Variants in FAAP100 observed in about 807,000 individuals in gnomAD.
The protein encoded by FAAP100 is Fanconi anemia core complex-associated protein 100.
A neutral mutation model predicts 65.8 loss-of-function variants in FAAP100; 46 were observed. The ratio of observed to expected loss-of-function variants is 0.70; its 90% CI spans 0.55 to 0.89. The LOEUF is 0.89. Among genes scored for constraint, FAAP100 ranks in the 40% least tolerant of loss-of-function variants. The probability of loss-of-function intolerance (pLI) is 0.00; values close to 1 mark genes in which losing one functional copy is unlikely to be tolerated. For missense variants in FAAP100, 1,165 were observed against 1,196.7 expected (o/e 0.97, Z 0.39); for synonymous variants, 663 against 555.1 (o/e 1.19, Z -2.73).
At chr17:81,551,656 C>T (rs1438936175) in intron 2 of FAAP100, 9 of 1,293,262 alleles carry the variant, frequency 7.0e-6, no homozygotes, top group Non-Finnish European at 8.8e-6. Context: ...TCTCACCAGA[C>T]AGCACCGGGC....
At chr17:81,543,915 C>T in intron 7 of FAAP100, 89 bp downstream of exon 7, 1 of 1,223,018 alleles carries the variant, frequency 8.2e-7, no homozygotes. Context: ...GAGCCGCAGA[C>T]CCCGTGGCCA....
At position 81,540,192 on chromosome 17, in the gene FAAP100, C is replaced by T; in HGVS notation, c.*627G>A. The T allele has an allele frequency of 2.5e-6, 1 of 399,062 alleles. No individual in the cohort carries two copies. Among genetic ancestry groups the T allele is most frequent in the Non-Finnish European group, 4.4e-6 (1 of 226,228 alleles). 24.7% of individuals were successfully genotyped at this position (399,062 alleles called of 1,614,324 possible). ...TTCCGGCCACAGGCCACCCGCTGGC[C>T]CTTCCTTGGTGTGGCACGAGACCAC... On this transcript the variant is annotated 3_prime_UTR_variant, in exon 9 of 9. Transcript: ENST00000327787.
chr17:81,551,880 CG>C, intron 2 of FAAP100, 47 bp downstream of exon 2: 3 of 1,501,472 alleles, frequency 2.0e-6, no homozygotes, highest in East Asian at 2.7e-5. Flanking sequence ...TGAAGCAGTC[CG>C]GGGGCAGCAG....
intron 7 of FAAP100, among the ~76,000 whole-genome samples, chr17:81,542,291 G>A (rs1481774257): frequency 1.4e-5 from 2 of 145,404 alleles, no homozygotes; most frequent in Non-Finnish European, 3.0e-5. Flanking sequence ...GGAGGCTGAG[G>A]GAGAATTGCT....
rs1000929161 is a variant in FAAP100, at chr17:81,540,029, C to T, written c.*790G>A. ...AAAACACCAGCACCAGGAGGTGGGCCGTAGCCCAGGCTGAGGGAGGAGGCT... is the reference window on the plus strand; with the variant it reads ...AAAACACCAGCACCAGGAGGTGGGCTGTAGCCCAGGCTGAGGGAGGAGGCT... On this transcript the variant is annotated 3_prime_UTR_variant, in exon 9 of 9. Transcript: ENST00000327787. 11 of 398,810 alleles carry T rather than the reference C, an allele frequency of 2.8e-5. No homozygotes were observed. Among genetic ancestry groups the T allele is most frequent in the Admixed American group, 4.4e-5 (1 of 22,712 alleles). The allele number at this position is 398,810 out of a possible 1,614,324, so 24.7% of individuals were successfully genotyped here. A position where few individuals can be genotyped will look rare whatever the true frequency, so the allele number is the denominator to read the frequency against.
chr17:81,552,253 G>A lies in FAAP100; in HGVS notation c.78C>T (p.Pro26=), dbSNP rs2033524225. The A allele has an allele frequency of 6.7e-7, 1 of 1,482,222 alleles. No homozygotes were observed. The allele number at this position is 1,482,222 out of a possible 1,614,324, so 91.8% of individuals were successfully genotyped here. A position where few individuals can be genotyped will look rare whatever the true frequency, so the allele number is the denominator to read the frequency against. The change falls in exon 1 of 9, where the codon CCC becomes CCT. Residue 26 remains proline, a synonymous_variant. Coordinates refer to ENST00000327787, the MANE Select transcript of FAAP100 (RefSeq NM_025161.6). ...CCTCTGCCTCATGGCACAGCACGCG[G>A]GGCTTGCCCGCCGCCAGGCCCCCGA... The part of the protein sequence containing the change: ...CPLGGLAAGK[P]RVLCHEAEVF...
Position 81,540,772 on chromosome 17 carries a change from G to A in FAAP100, c.*47C>T. On this transcript the variant is annotated 3_prime_UTR_variant, in exon 9 of 9. Transcript: ENST00000327787. ...AACCCATGAGGCCTGGGGGGGCTGTGACAGAGGCTGGAAGCGTGGCCAGAG... is the reference window on the plus strand; with the variant it reads ...AACCCATGAGGCCTGGGGGGGCTGTAACAGAGGCTGGAAGCGTGGCCAGAG... The A allele has an allele frequency of 1.4e-6, 2 of 1,464,502 alleles. No individual in the cohort carries two copies. The highest frequency in any genetic ancestry group is 1.3e-5 in the South Asian group (1 of 74,220). 90.7% of individuals were successfully genotyped at this position (1,464,502 alleles called of 1,614,324 possible).
chr17:81,552,454 G>A (rs2033533958), upstream of FAAP100: 5 of 973,964 alleles, frequency 5.1e-6, no homozygotes, highest in East Asian at 3.3e-5. Flanking sequence ...CGGTGCCGGG[G>A]GCGGGCCGGA....
At chr17:81,544,599 AC>A (rs1047286943) in intron 6 of FAAP100, among the ~76,000 whole-genome samples, 42 of 152,316 alleles carry the variant, frequency 2.8e-4, no homozygotes, top group Middle Eastern at 3.4e-3. Context: ...TCTATGGGAC[AC>A]CCACCTGTCC....
Position 81,549,041 on chromosome 17 carries a change from G to GA in FAAP100, c.1403+164dup, listed in dbSNP as rs1163263115. Among the ~76,000 whole-genome samples, 615 of 66,268 alleles carry GA rather than the reference G, an allele frequency of 9.3e-3. 24 individuals carry two copies. Among genetic ancestry groups the GA allele is most frequent in the African/African-American group, 0.019 (310 of 16,488 alleles). The allele number at this position is 66,268 out of a possible 152,430, so 43.5% of individuals were successfully genotyped here. A position where few individuals can be genotyped will look rare whatever the true frequency, so the allele number is the denominator to read the frequency against. The stretch of plus-strand genomic sequence containing the variant: ...GGTGACAGCGTGAGACTCCGTCTCA[G>GA]AAAAAAAAAAAAAAAAAAAAAAAAA... On this transcript the variant is annotated intron_variant, in intron 4 of 8. Transcript: ENST00000327787.
chr17:81,540,373 G>C lies in FAAP100; in HGVS notation c.*446C>G. The C allele has an allele frequency of 5.0e-6, 2 of 401,444 alleles. No individual in the cohort carries two copies. The highest frequency in any genetic ancestry group is 8.8e-6 in the Non-Finnish European group (2 of 227,756). 24.9% of individuals were successfully genotyped at this position (401,444 alleles called of 1,614,324 possible). A position where few individuals can be genotyped will look rare whatever the true frequency, so the allele number is the denominator to read the frequency against. ...GTAGTGCCACCCAGAGGGGCAGCCG[G>C]TGCTCCTGGTGGTGTGGCAGCAACA... On this transcript the variant is annotated 3_prime_UTR_variant, in exon 9 of 9. Coordinates refer to ENST00000327787, the MANE Select transcript of FAAP100 (RefSeq NM_025161.6).
chr17:81,548,326 G>T (rs577404580), intron 4 of FAAP100: 1 of 350,444 alleles, frequency 2.9e-6, no homozygotes, highest in Admixed American at 4.1e-5. Flanking sequence ...GACGTCTCCC[G>T]TGCCCCACTA....
At chr17:81,543,887 C>T in intron 7 of FAAP100, 117 bp downstream of exon 7, 4 of 947,232 alleles carry the variant, frequency 4.2e-6, no homozygotes, top group Non-Finnish European at 4.8e-6. Flanking sequence ...TTGGATCTTC[C>T]TACAACTCCC....
chr17:81,551,663 G>A (rs2033499842), intron 2 of FAAP100: 4 of 1,300,134 alleles, frequency 3.1e-6, no homozygotes, highest in South Asian at 2.3e-5. Context: ...AGACAGCACC[G>A]GGCCACCAGG....
At position 81,550,535 on chromosome 17, in the gene FAAP100, C is replaced by T. The variant is rs774395143; in HGVS notation, c.959G>A (p.Arg320Gln). 16 of 1,612,764 alleles carry T rather than the reference C, an allele frequency of 9.9e-6. No individual in the cohort carries two copies. Among genetic ancestry groups the T allele is most frequent in the South Asian group, 4.4e-5 (4 of 91,092 alleles). Residue 320 changes from arginine (R) to glutamine (Q), a missense_variant, in exon 3 of 9, where the codon CGG (arginine) becomes CAG (glutamine). Coordinates refer to ENST00000327787, the MANE Select transcript of FAAP100 (RefSeq NM_025161.6). Reference protein sequence around the residue: ...DCLVAFGHHGRMLAIKASWDE... With the variant: ...DCLVAFGHHGQMLAIKASWDE... The stretch of plus-strand genomic sequence containing the variant: ...CCAGCTGGCCTTGATGGCCAGCATC[C>T]GGCCGTGGTGACCAAAGGCCACCAG...
chr17:81,551,471 G>GC (rs2033493296), intron 2 of FAAP100, among the ~76,000 whole-genome samples: 1 of 152,240 alleles, frequency 6.6e-6, no homozygotes, highest in South Asian at 2.1e-4. Flanking sequence ...TGCACAGGCT[G>GC]CCCCCTCTAC....
intron 4 of FAAP100, chr17:81,548,213 CG>C: frequency 1.7e-6 from 1 of 584,460 alleles, no homozygotes; most frequent in East Asian, 2.8e-5. Context: ...GGAGGCTGCG[CG>C]CACTCAGTGT....
upstream of FAAP100, chr17:81,552,518 G>A (rs1247785165): frequency 1.3e-4 from 61 of 461,520 alleles, no homozygotes; most frequent in East Asian, 2.3e-3. Context: ...TACCCACGGG[G>A]AGCAGGGGAG....
Position 81,549,190 on chromosome 17 carries a change from G to C in FAAP100, c.1403+16C>G, listed in dbSNP as rs10451312. The C allele has an allele frequency of 6.2e-6, 10 of 1,610,272 alleles. No homozygotes were observed. The East Asian group carries it at 2.0e-4, about 32-fold the overall frequency. On this transcript the variant is annotated intron_variant, in intron 4 of 8. Coordinates refer to ENST00000327787, the MANE Select transcript of FAAP100 (RefSeq NM_025161.6). ...GGCAGCGCCAGCCTCTACCCGGTCC[G>C]AGCTGAGCTGCTCACCTCTCAGAGA...
Sources: allele counts gnomAD v4.1 joint callset (sites outside exome capture counted in the v4.1 genomes callset), GRCh38; gene constraint gnomAD v4.1.1; transcripts MANE v1.5; gene names NCBI Gene and HGNC (gene_info 2026-07-23, HGNC 2026-07-21).